ANO10: variants seen among roughly 807,000 people sequenced by gnomAD.
The protein encoded by ANO10 is anoctamin-10.
In ANO10, 77 loss-of-function variants were observed where a neutral mutation model predicts 74.7. The observed-to-expected ratio is 1.03, with a 90% CI of 0.86 to 1.25. The LOEUF is 1.25. Among genes scored for constraint, ANO10 ranks in the 50% most tolerant of loss-of-function variants. ANO10 has a pLI of 0.00. For synonymous variants in ANO10, 279 were observed against 284.9 expected (o/e 0.98, Z 0.21); for missense variants, 721 against 778.1 (o/e 0.93, Z 0.87).
rs531683176 is a variant in ANO10, at chr3:43,518,612, C to G, written c.1797+31108G>C. 8.5e-5 allele frequency among the ~76,000 whole-genome samples: 13 copies of G among 152,254 alleles called. No homozygotes were observed. The East Asian group carries it at 2.5e-3, about 29-fold the overall frequency. On this transcript the variant is annotated intron_variant, in intron 11 of 12. Coordinates refer to ENST00000292246, the MANE Select transcript of ANO10 (RefSeq NM_018075.5). ...AGAAATATCACTGAATTCTTTCTCT[C>G]AGCAAGGAACAGCCCTGAGAAAGAG...
At chr3:43,530,423 A>C (rs2149246450) in intron 11 of ANO10, among the ~76,000 whole-genome samples, 1 of 149,090 alleles carries the variant, frequency 6.7e-6, no homozygotes, top group South Asian at 2.1e-4. Context: ...TAAAACATAT[A>C]GCCTATATAT....
intron 8 of ANO10, among the ~76,000 whole-genome samples, chr3:43,562,183 T>A (rs985198684): frequency 2.6e-5 from 4 of 152,004 alleles, no homozygotes; most frequent in Non-Finnish European, 5.9e-5. Context: ...CCGGGCACAG[T>A]GGCTCACACC....
chr3:43,503,578 A>G (rs2077176206), intron 11 of ANO10, among the ~76,000 whole-genome samples: 1 of 152,246 alleles, frequency 6.6e-6, no homozygotes, highest in African/African-American at 2.4e-5. Flanking sequence ...GACAAGGAAG[A>G]CAGCTCACTC....
chr3:43,415,811 G>C (rs2092729580), intron 12 of ANO10, among the ~76,000 whole-genome samples: 3 of 152,080 alleles, frequency 2.0e-5, no homozygotes, highest in Admixed American at 2.0e-4. Flanking sequence ...CAAAGTGCTG[G>C]GATTACAGGC....
chr3:43,575,025 G>A (rs2080929018), intron 6 of ANO10, among the ~76,000 whole-genome samples, 161 bp from the exon 7 acceptor site: 3 of 152,094 alleles, frequency 2.0e-5, no homozygotes, highest in African/African-American at 7.2e-5. Flanking sequence ...TTACCACCAA[G>A]AGCATCAAAC....
intron 11 of ANO10, among the ~76,000 whole-genome samples, chr3:43,514,672 C>T (rs1222202934): frequency 6.6e-6 from 1 of 152,174 alleles, no homozygotes; most frequent in Non-Finnish European, 1.5e-5. Context: ...TACCAGAATA[C>T]CCATTCTTTT....
intron 11 of ANO10, among the ~76,000 whole-genome samples, chr3:43,469,498 G>A (rs1389819187): frequency 1.3e-5 from 2 of 152,104 alleles, no homozygotes; most frequent in Non-Finnish European, 2.9e-5. Context: ...TCCAGGTCCT[G>A]TTCAGTTGTT....
intron 1 of ANO10, among the ~76,000 whole-genome samples, chr3:43,657,826 C>T (rs1253287683): frequency 6.6e-6 from 1 of 152,150 alleles, no homozygotes; most frequent in African/African-American, 2.4e-5. Flanking sequence ...CAAACTGAAA[C>T]AGAAACCTTC....
At chr3:43,372,650 T>G in intron 12 of ANO10, 1 of 541,232 alleles carries the variant, frequency 1.8e-6, no homozygotes, top group African/African-American at 1.9e-5. Flanking sequence ...TCTATTTCAA[T>G]TGCTGCACTC....
chr3:43,449,655 C>T, intron 11 of ANO10, among the ~76,000 whole-genome samples: 1 of 149,886 alleles, frequency 6.7e-6, no homozygotes, highest in Non-Finnish European at 1.5e-5. Flanking sequence ...ATTTATTTGT[C>T]TATTCTTTCA....
At chr3:43,511,990 CCAGGCAAT>C (rs1171484551) in intron 11 of ANO10, among the ~76,000 whole-genome samples, 1 of 152,148 alleles carries the variant, frequency 6.6e-6, no homozygotes, top group Non-Finnish European at 1.5e-5. Flanking sequence ...TCATCTAAAC[CCAGGCAAT>C]CAGGCAATCA....
intron 12 of ANO10, among the ~76,000 whole-genome samples, chr3:43,428,684 T>G (rs748496214): frequency 2.0e-5 from 3 of 148,378 alleles, no homozygotes; most frequent in Non-Finnish European, 3.0e-5. Context: ...GAAAAAAATC[T>G]CAAAGAGACA....
At chr3:43,641,706 ACTGT>A (rs1462805378) in intron 1 of ANO10, among the ~76,000 whole-genome samples, 32 of 152,220 alleles carry the variant, frequency 2.1e-4, no homozygotes, top group Admixed American at 1.3e-4. Flanking sequence ...CACACATGGC[ACTGT>A]CTATTTTTAG....
At chr3:43,615,854 C>T (rs376284099) in intron 1 of ANO10, among the ~76,000 whole-genome samples, 23 of 151,960 alleles carry the variant, frequency 1.5e-4, no homozygotes, top group Non-Finnish European at 2.9e-4. Flanking sequence ...AGGGTTTCAC[C>T]GTGTTAGCCA....
chr3:43,589,237 G>A (rs1297552273), intron 4 of ANO10, among the ~76,000 whole-genome samples: 3 of 152,042 alleles, frequency 2.0e-5, no homozygotes, highest in Non-Finnish European at 4.4e-5. Context: ...CTTCACAGAT[G>A]TCATTAATAT....
intron 12 of ANO10, among the ~76,000 whole-genome samples, chr3:43,401,452 A>C (rs1279476052): frequency 6.7e-6 from 1 of 148,634 alleles, no homozygotes; most frequent in Non-Finnish European, 1.5e-5. Context: ...CACTTCAAGA[A>C]TAGATTCTTT....
At chr3:43,446,213 T>G (rs2093244196) in intron 11 of ANO10, among the ~76,000 whole-genome samples, 1 of 152,214 alleles carries the variant, frequency 6.6e-6, no homozygotes, top group South Asian at 2.1e-4. Context: ...GCTTCCCATC[T>G]TCTACTTCTC....
intron 1 of ANO10, among the ~76,000 whole-genome samples, chr3:43,676,442 AGTGAGACCCTGTCTCAAAAAAAAAAT>A (rs1265914000): frequency 2.0e-5 from 3 of 152,182 alleles, no homozygotes; most frequent in Non-Finnish European, 4.4e-5. Flanking sequence ...TGGGAGACAG[AGTGAGACCCTGTCTCAAAAAAAAAAT>A]GTTTTTAAGT....
At chr3:43,464,635 C>A (rs2075535854) in intron 11 of ANO10, among the ~76,000 whole-genome samples, 1 of 152,018 alleles carries the variant, frequency 6.6e-6, no homozygotes, top group Non-Finnish European at 1.5e-5. Flanking sequence ...GCCATAACTG[C>A]CCCACTGCAC....
Sources: allele counts gnomAD v4.1 joint callset (sites outside exome capture counted in the v4.1 genomes callset), GRCh38; gene constraint gnomAD v4.1.1; transcripts MANE v1.5; gene names NCBI Gene and HGNC (gene_info 2026-07-23, HGNC 2026-07-21).